Variants in TENM3 observed in about 807,000 individuals in gnomAD.
The protein encoded by TENM3 is teneurin transmembrane protein 3.
Under a neutral mutation model 255.1 loss-of-function variants are expected in TENM3, and 63 were observed. The observed-to-expected ratio is 0.25, with a 90% CI of 0.20 to 0.30. TENM3 has a LOEUF of 0.30. Among genes scored for constraint, TENM3 ranks in the 10% least tolerant of loss-of-function variants. TENM3 has a pLI of 1.00. For synonymous variants in TENM3, 1,306 were observed against 1,322.3 expected, an observed-to-expected ratio of 0.99 and a Z score of 0.27; for missense variants, 2,929 against 3,461.1, an observed-to-expected ratio of 0.85 and a Z score of 3.86.
At chr4:181,850,107 C>A in the TENM3 span, among the ~76,000 whole-genome samples, 1 of 151,892 alleles carries the variant, frequency 6.6e-6, no homozygotes, top group Non-Finnish European at 1.5e-5. Context: ...CCTTTTCCTT[C>A]CCATATTTCC....
intron 1 of TENM3, among the ~76,000 whole-genome samples, chr4:182,289,394 A>G (rs1760963075): frequency 6.6e-6 from 1 of 152,162 alleles, no homozygotes; most frequent in Non-Finnish European, 1.5e-5. Flanking sequence ...TGGGTGTGCG[A>G]GGGCGGAGGG....
chr4:182,623,010 T>TC (rs1463570689), intron 4 of TENM3, among the ~76,000 whole-genome samples: 2 of 145,150 alleles, frequency 1.4e-5, no homozygotes, highest in African/African-American at 2.6e-5. Flanking sequence ...AGACAGAGTC[T>TC]CTTTTTTTTT....
At chr4:181,912,895 C>T in the TENM3 span, among the ~76,000 whole-genome samples, 9 of 151,540 alleles carry the variant, frequency 5.9e-5, no homozygotes, top group Admixed American at 2.6e-4. Flanking sequence ...TGCAAGGAAA[C>T]GTGAGTTTGA....
At chr4:181,860,943 C>A in the TENM3 span, among the ~76,000 whole-genome samples, 1 of 152,050 alleles carries the variant, frequency 6.6e-6, no homozygotes, top group African/African-American at 2.4e-5. Flanking sequence ...TCAAAGGTAT[C>A]GCTCCAGCAT....
Position 182,796,785 on chromosome 4 carries a change from C to G in TENM3, c.7344+18C>G. On this transcript the variant is annotated intron_variant, in intron 27 of 27. Transcript: ENST00000511685. The stretch of plus-strand genomic sequence containing the variant: ...ATATACCGGTAAGAAACAAAAAGAC[C>G]TACGGAAAGGTGATAAGTAGCTTGT... The G allele has an allele frequency of 1.3e-6, 2 of 1,588,998 alleles. No individual in the cohort carries two copies. The highest frequency in any genetic ancestry group is 2.2e-5 in the East Asian group (1 of 44,516).
At chr4:182,078,877 T>A in the TENM3 span, among the ~76,000 whole-genome samples, 1 of 152,056 alleles carries the variant, frequency 6.6e-6, no homozygotes, top group Non-Finnish European at 1.5e-5. Context: ...AATGGGAAGG[T>A]CATGTTGGAA....
intron 3 of TENM3, among the ~76,000 whole-genome samples, chr4:182,486,738 G>A (rs1171888365): frequency 6.6e-6 from 1 of 152,116 alleles, no homozygotes; most frequent in Admixed American, 6.6e-5. Flanking sequence ...TCAGACAAGG[G>A]CATGAGGGTG....
chr4:182,421,514 A>G lies in TENM3; in HGVS notation c.511+74585A>G, dbSNP rs796336162. On this transcript the variant is annotated intron_variant, in intron 3 of 27. Coordinates refer to ENST00000511685, the MANE Select transcript of TENM3 (RefSeq NM_001080477.4). ...TGTTGCTCAGAAATATCCTCTGAGC[A>G]TTTCCCAAAGAATCCAGAAGAGAAG... 2.0e-5 allele frequency among the ~76,000 whole-genome samples: 3 copies of G among 152,286 alleles called. No individual in the cohort carries two copies. The South Asian group carries it at 6.2e-4, about 32-fold the overall frequency.
chr4:182,721,145 G>A (rs72995138), intron 13 of TENM3, among the ~76,000 whole-genome samples: 3,053 of 152,152 alleles, frequency 0.02, 104 homozygotes, highest in African/African-American at 0.07. Context: ...TGGGCACTGC[G>A]TGGCATCTCT....
At chr4:182,202,292 C>G (rs1306940035) in intron 1 of TENM3, among the ~76,000 whole-genome samples, 1 of 149,170 alleles carries the variant, frequency 6.7e-6, no homozygotes, top group African/African-American at 2.5e-5. Flanking sequence ...AAGATGTGTG[C>G]ACTGCACTTT....
chr4:181,863,968 C>T, the TENM3 span, among the ~76,000 whole-genome samples: 19 of 152,102 alleles, frequency 1.2e-4, no homozygotes, highest in East Asian at 7.7e-4. Flanking sequence ...CCAAAACAGC[C>T]GTAATAACCA....
At chr4:182,558,913 A>G (rs1170900639) in intron 3 of TENM3, among the ~76,000 whole-genome samples, 1 of 152,124 alleles carries the variant, frequency 6.6e-6, no homozygotes, top group Non-Finnish European at 1.5e-5. Context: ...ATTATGATGT[A>G]AAAGAATAAT....
At chr4:181,571,663 A>AT in the TENM3 span, among the ~76,000 whole-genome samples, 1 of 152,142 alleles carries the variant, frequency 6.6e-6, no homozygotes, top group South Asian at 2.1e-4. Context: ...TATTTACAAC[A>AT]TTTTTTGTTA....
intron 22 of TENM3, among the ~76,000 whole-genome samples, chr4:182,759,374 A>G (rs55842747): frequency 0.046 from 7,057 of 152,308 alleles, 331 homozygotes; most frequent in Admixed American, 0.12. Context: ...AGAAGCTGGC[A>G]TTTGCCAACG....
intron 1 of TENM3, among the ~76,000 whole-genome samples, chr4:182,184,586 T>C (rs1262898808): frequency 6.6e-6 from 1 of 151,882 alleles, no homozygotes; most frequent in Non-Finnish European, 1.5e-5. Flanking sequence ...TGTTTTAAAA[T>C]TTAGCCAAAC....
At chr4:182,690,702 T>G (rs1756949290) in intron 12 of TENM3, among the ~76,000 whole-genome samples, 1 of 152,210 alleles carries the variant, frequency 6.6e-6, no homozygotes. Flanking sequence ...ATTCAACAAA[T>G]CATTTTAGTG....
rs386402555 is a variant in TENM3 at position 182,680,440 on chromosome 4, G to GC, written c.1639+91_1639+92insC. On this transcript the variant is annotated intron_variant, in intron 9 of 27. Coordinates refer to ENST00000511685, the MANE Select transcript of TENM3 (RefSeq NM_001080477.4). ...AAACTACCGAGACAGGAAAGAAAGG[G>GC]GGGGGGAGACTGGCATATTGCTTGT... 3.5e-4 allele frequency: 499 copies of GC among 1,416,896 alleles called. 1 individual carries two copies. Among genetic ancestry groups the GC allele is most frequent in the African/African-American group, 1.2e-3 (82 of 69,938 alleles). 87.8% of individuals were successfully genotyped at this position (1,416,896 alleles called of 1,614,324 possible).
the TENM3 span, among the ~76,000 whole-genome samples, chr4:181,731,545 G>A: frequency 6.6e-6 from 1 of 152,066 alleles, no homozygotes; most frequent in African/African-American, 2.4e-5. Flanking sequence ...TAGATGTAGG[G>A]TTTCACCATG....
intron 3 of TENM3, among the ~76,000 whole-genome samples, chr4:182,399,032 A>C (rs2151019555): frequency 6.6e-6 from 1 of 152,328 alleles, no homozygotes; most frequent in South Asian, 2.1e-4. Flanking sequence ...GTGATGGATA[A>C]GTCTGGGCTC....
Sources: gnomAD v4.1 joint callset for allele counts (sites outside exome capture counted in the v4.1 genomes callset) on GRCh38, gnomAD v4.1.1 for gene constraint, MANE v1.5 for transcripts, NCBI Gene and HGNC (gene_info 2026-07-23, HGNC 2026-07-21) for gene names.